FNBP1: variants seen among roughly 807,000 people sequenced by gnomAD.
FNBP1 encodes formin binding protein 1.
Under a neutral mutation model 90.6 loss-of-function variants are expected in FNBP1, and 26 were observed. That is an observed-to-expected ratio of 0.29 (90% CI 0.21 to 0.40). FNBP1 has a LOEUF of 0.40. FNBP1 is among the 10% of genes least tolerant of loss of function. The pLI is 1.00. For missense variants in FNBP1, 635 were observed against 768.0 expected (o/e 0.83, Z 2.05); for synonymous variants, 260 against 265.2 (o/e 0.98, Z 0.19).
intron 1 of FNBP1, among the ~76,000 whole-genome samples, chr9:129,996,354 G>A (rs1017639824): frequency 1.3e-5 from 2 of 152,096 alleles, no homozygotes; most frequent in Non-Finnish European, 1.5e-5. Context: ...CTAAGGGGGC[G>A]AGCCAGAGGG....
chr9:129,893,455 A>AG (rs1429257338), intron 16 of FNBP1, among the ~76,000 whole-genome samples: 2 of 148,940 alleles, frequency 1.3e-5, no homozygotes, highest in Non-Finnish European at 3.0e-5. Flanking sequence ...AAAAAAAAAA[A>AG]TACAAAGATT....
At chr9:129,910,443 C>T in intron 11 of FNBP1, among the ~76,000 whole-genome samples, 1 of 127,042 alleles carries the variant, frequency 7.9e-6, no homozygotes. Context: ...GATCGTGCCG[C>T]TGTACTCCAG....
Position 129,892,403 on chromosome 9 carries a change from ACACACACACAC to A in FNBP1, c.1847-1868_1847-1858del, listed in dbSNP as rs1564242525. Among the ~76,000 whole-genome samples, 115 of 147,706 alleles carry A rather than the reference ACACACACACAC, an allele frequency of 7.8e-4. 1 individual carries two copies. The highest frequency in any genetic ancestry group is 5.5e-3 in the South Asian group (25 of 4,536). ...CACACACACACACACACACACACACACACACACACACACAAAAAGGTTGACCGGCATTATAA... is the reference window on the plus strand; with the variant it reads ...CACACACACACACACACACACACACAACAAAAAGGTTGACCGGCATTATAA... On this transcript the variant is annotated intron_variant, in intron 16 of 16. Transcript: ENST00000446176.
chr9:129,939,389 C>T (rs987152012), intron 6 of FNBP1, among the ~76,000 whole-genome samples: 4 of 144,404 alleles, frequency 2.8e-5, no homozygotes, highest in Non-Finnish European at 6.0e-5. Context: ...GCCTCCGTCC[C>T]GAAAAATAAA....
chr9:129,915,939 G>A, intron 11 of FNBP1, 27 bp downstream of exon 11: 1 of 1,587,628 alleles, frequency 6.3e-7, no homozygotes, highest in Non-Finnish European at 8.6e-7. Context: ...ATTAGACTCA[G>A]GACATGCATG....
At chr9:130,035,705 G>C (rs796121713) in intron 1 of FNBP1, among the ~76,000 whole-genome samples, 2 of 152,320 alleles carry the variant, frequency 1.3e-5, no homozygotes, top group African/African-American at 4.8e-5. Context: ...CCAGCACTTT[G>C]GGAGGCCAAG....
At chr9:129,956,524 C>G (rs1211790595) in intron 6 of FNBP1, among the ~76,000 whole-genome samples, 2 of 152,180 alleles carry the variant, frequency 1.3e-5, no homozygotes, top group Non-Finnish European at 2.9e-5. Flanking sequence ...ACAGTATACA[C>G]TTTATAATAT....
rs566689596 is a variant in FNBP1 at position 129,949,073 on chromosome 9, G to A, written c.513+8287C>T. On this transcript the variant is annotated intron_variant, in intron 6 of 16. Transcript: ENST00000446176. ...TCCACCTCGTTGAAAGGGCAGCAGG[G>A]GAGCCTGTTTCACCTTCAGCTGAAA... is the stretch of plus-strand genomic sequence containing the variant. Among the ~76,000 whole-genome samples, 3 of 152,126 alleles carry A rather than the reference G, an allele frequency of 2.0e-5. No individual in the cohort carries two copies. The South Asian group carries it at 6.2e-4, about 32-fold the overall frequency.
At chr9:130,026,141 C>T (rs930695539) in intron 1 of FNBP1, among the ~76,000 whole-genome samples, 3 of 150,852 alleles carry the variant, frequency 2.0e-5, no homozygotes, top group African/African-American at 7.3e-5. Context: ...AGCAGTCTAG[C>T]TCCAGATCCA....
At chr9:129,933,652 C>T (rs1272741517) in intron 6 of FNBP1, 1 of 152,248 alleles carries the variant, frequency 6.6e-6, no homozygotes, top group East Asian at 1.9e-4. Flanking sequence ...GACGGTCTGC[C>T]TTTTATGTTA....
rs1189249103 is a variant in FNBP1 at position 129,889,284 on chromosome 9, C to G, written c.*1255G>C. On this transcript the variant is annotated 3_prime_UTR_variant, in exon 17 of 17. Transcript: ENST00000446176. ...GGGTCTTTGGTGATGAAAGTGCTAA[C>G]CTCGGCGGGGTGCGGTAGCTCACAC... 5.3e-6 allele frequency: 1 copy of G among 188,444 alleles called. No homozygotes were observed. Among genetic ancestry groups the G allele is most frequent in the African/African-American group, 2.3e-5 (1 of 42,726 alleles). The allele number at this position is 188,444 out of a possible 1,614,324, so 11.7% of individuals were successfully genotyped here. A position where few individuals can be genotyped will look rare whatever the true frequency, so the allele number is the denominator to read the frequency against.
At chr9:130,012,919 G>A (rs2146353) in intron 1 of FNBP1, among the ~76,000 whole-genome samples, 127,306 of 152,058 alleles carry the variant, frequency 0.84, 53,679 homozygotes, top group Non-Finnish European at 0.89. Flanking sequence ...GAGTAGAGGC[G>A]TGAGCCACCA....
At chr9:129,979,254 C>A in intron 3 of FNBP1, 64 bp downstream of exon 3, 1 of 918,174 alleles carries the variant, frequency 1.1e-6, no homozygotes. Context: ...TGTATTTCTC[C>A]TTTCCGTGTG....
intron 6 of FNBP1, among the ~76,000 whole-genome samples, chr9:129,947,313 G>A (rs376631474): frequency 6.6e-5 from 10 of 151,736 alleles, no homozygotes; most frequent in African/African-American, 1.2e-4. Flanking sequence ...GGTGGCAGGC[G>A]CCTGTAATCT....
At chr9:129,971,310 C>T (rs1181887529) in intron 4 of FNBP1, among the ~76,000 whole-genome samples, 1 of 152,078 alleles carries the variant, frequency 6.6e-6, no homozygotes, top group Non-Finnish European at 1.5e-5. Flanking sequence ...TACAAAAATA[C>T]AGTATATGTG....
At chr9:130,016,012 T>A (rs961771209) in intron 1 of FNBP1, among the ~76,000 whole-genome samples, 1 of 152,272 alleles carries the variant, frequency 6.6e-6, no homozygotes, top group African/African-American at 2.4e-5. Flanking sequence ...CTTTTGTAAC[T>A]GTTCTCTTCT....
the FNBP1 span, chr9:130,053,809 G>T: frequency 2.1e-6 from 2 of 946,828 alleles, no homozygotes; most frequent in South Asian, 1.6e-5. Flanking sequence ...CAATCTCCAG[G>T]AAAACGACCA....
At chr9:129,948,272 C>T (rs1252138769) in intron 6 of FNBP1, among the ~76,000 whole-genome samples, 3 of 151,338 alleles carry the variant, frequency 2.0e-5, no homozygotes, top group African/African-American at 7.3e-5. Context: ...GAGACCCTGT[C>T]TCAACAAACA....
At chr9:130,025,801 G>GT (rs1486521320) in intron 1 of FNBP1, among the ~76,000 whole-genome samples, 1 of 152,170 alleles carries the variant, frequency 6.6e-6, no homozygotes, top group Non-Finnish European at 1.5e-5. Context: ...GCACATGCCT[G>GT]TAATCCCAGC....
Sources: allele counts gnomAD v4.1 joint callset (sites outside exome capture counted in the v4.1 genomes callset), GRCh38; gene constraint gnomAD v4.1.1; transcripts MANE v1.5; gene names NCBI Gene and HGNC (gene_info 2026-07-23, HGNC 2026-07-21).